C8orf34: variants seen among roughly 807,000 people sequenced by gnomAD.
C8orf34 encodes the protein chromosome 8 open reading frame 34, also known as uncharacterized protein C8orf34.
A neutral mutation model predicts 68.3 loss-of-function variants in C8orf34; 65 were observed. That is an observed-to-expected ratio of 0.95 (90% CI 0.78 to 1.17). C8orf34 has a LOEUF of 1.17. C8orf34 is among the 50% of genes most tolerant of loss of function. The pLI, the probability that C8orf34 is intolerant of heterozygous loss-of-function variation, is 0.00. For missense variants in C8orf34, 664 were observed against 655.4 expected (o/e 1.01, Z -0.14); for synonymous variants, 244 against 241.2 (o/e 1.01, Z -0.11).
intron 10 of C8orf34, among the ~76,000 whole-genome samples, chr8:68,727,216 C>A (rs1821856966): frequency 6.6e-6 from 1 of 152,164 alleles, no homozygotes; most frequent in Non-Finnish European, 1.5e-5. Flanking sequence ...TTACAGGGCC[C>A]ATGCAAGTCC....
intron 1 of C8orf34, among the ~76,000 whole-genome samples, chr8:68,423,962 GA>G (rs1810096652): frequency 6.6e-6 from 1 of 152,130 alleles, no homozygotes; most frequent in Non-Finnish European, 1.5e-5. Context: ...CTGCCCCCAT[GA>G]TCTGATTACC....
chr8:68,562,404 T>C (rs1306368596), intron 7 of C8orf34, among the ~76,000 whole-genome samples: 1 of 152,212 alleles, frequency 6.6e-6, no homozygotes, highest in East Asian at 1.9e-4. Context: ...AGAAGGGATT[T>C]ATTTTCATTC....
At chr8:68,775,122 C>T (rs1398266240) in intron 10 of C8orf34, among the ~76,000 whole-genome samples, 1 of 150,670 alleles carries the variant, frequency 6.6e-6, no homozygotes, top group Non-Finnish European at 1.5e-5. Flanking sequence ...CCAAGCGATG[C>T]TTCTCCTTGC....
chr8:68,587,969 T>C (rs908634376), intron 7 of C8orf34, among the ~76,000 whole-genome samples: 13 of 152,182 alleles, frequency 8.5e-5, no homozygotes, highest in African/African-American at 3.1e-4. Flanking sequence ...GTTCATATTT[T>C]AGGTATTTCT....
intron 7 of C8orf34, among the ~76,000 whole-genome samples, chr8:68,553,252 G>A (rs181085946): frequency 1.5e-3 from 229 of 151,958 alleles, no homozygotes; most frequent in African/African-American, 5.4e-3. Flanking sequence ...GGGCATGGTG[G>A]CATGTGCCTG....
intron 8 of C8orf34, among the ~76,000 whole-genome samples, chr8:68,692,499 G>A (rs1820713039): frequency 6.6e-6 from 1 of 151,912 alleles, no homozygotes; most frequent in Admixed American, 6.6e-5. Context: ...AAGTGGCTTT[G>A]AATTCCAGCT....
chr8:68,474,155 C>A (rs1005217747), intron 4 of C8orf34, among the ~76,000 whole-genome samples: 1 of 152,168 alleles, frequency 6.6e-6, no homozygotes, highest in Non-Finnish European at 1.5e-5. Flanking sequence ...TCCATCCACA[C>A]CTTTTATGTG....
intron 1 of C8orf34, among the ~76,000 whole-genome samples, chr8:68,344,962 C>A (rs1397411555): frequency 4.0e-5 from 6 of 151,486 alleles, no homozygotes; most frequent in Non-Finnish European, 8.8e-5. Flanking sequence ...AAACATAATA[C>A]CAAAAGTAAG....
chr8:68,622,881 A>G (rs1275056164), intron 7 of C8orf34, among the ~76,000 whole-genome samples: 1 of 152,240 alleles, frequency 6.6e-6, no homozygotes, highest in African/African-American at 2.4e-5. Context: ...TGTCTCTTTC[A>G]TAGTGTCATG....
rs2129526958 is a variant in C8orf34 at position 68,733,887 on chromosome 8, A to T, written c.1404+12450A>T. ...GAAGCTGAGTAATTTGTAAGTAAGT[A>T]AGTAAATATCTCTCCACGATGTCAC... On this transcript the variant is annotated intron_variant, in intron 10 of 13. Coordinates refer to ENST00000518698, the MANE Select transcript of C8orf34 (RefSeq NM_052958.4). Among the ~76,000 whole-genome samples the T allele has an allele frequency of 1.3e-5, 2 of 152,322 alleles. 1 individual carries two copies. The highest frequency in any genetic ancestry group is 4.1e-4 in the South Asian group (2 of 4,826).
At chr8:68,663,664 A>C (rs1441473830) in intron 8 of C8orf34, among the ~76,000 whole-genome samples, 1 of 152,208 alleles carries the variant, frequency 6.6e-6, no homozygotes, top group African/African-American at 2.4e-5. Context: ...CTTAGGTGTC[A>C]GGAGCCTCAC....
intron 7 of C8orf34, among the ~76,000 whole-genome samples, chr8:68,550,885 G>GT (rs759645061): frequency 3.2e-3 from 467 of 144,190 alleles, no homozygotes; most frequent in African/African-American, 7.4e-3. Context: ...TAATGGTAAA[G>GT]TTTTTTTTTT....
intron 7 of C8orf34, among the ~76,000 whole-genome samples, chr8:68,540,703 G>A (rs1815668103): frequency 6.6e-6 from 1 of 151,976 alleles, no homozygotes; most frequent in Admixed American, 6.6e-5. Flanking sequence ...TTAGCCAGGC[G>A]TGGTGGTGCA....
chr8:68,602,486 C>T (rs189199441), intron 7 of C8orf34, among the ~76,000 whole-genome samples: 162 of 152,136 alleles, frequency 1.1e-3, no homozygotes, highest in Non-Finnish European at 1.9e-3. Context: ...CCTTATAAAA[C>T]CATCAGATCT....
intron 8 of C8orf34, among the ~76,000 whole-genome samples, chr8:68,685,756 C>T (rs1458046698): frequency 6.6e-6 from 1 of 151,814 alleles, no homozygotes; most frequent in African/African-American, 2.4e-5. Flanking sequence ...TGTGCCTGTA[C>T]TTCCAGCTAC....
At chr8:68,488,168 T>A (rs972685564) in intron 5 of C8orf34, 117 bp downstream of exon 5, 1 of 713,640 alleles carries the variant, frequency 1.4e-6, no homozygotes, top group Non-Finnish European at 2.2e-6. Flanking sequence ...TTATTTGGGC[T>A]AACATTTTAA....
intron 4 of C8orf34, among the ~76,000 whole-genome samples, chr8:68,479,996 T>C (rs1387134374): frequency 8.5e-5 from 13 of 152,218 alleles, no homozygotes; most frequent in Admixed American, 8.5e-4. Context: ...GTGAGTATGA[T>C]ATGATCTATA....
At chr8:68,477,125 A>C (rs1812652735) in intron 4 of C8orf34, among the ~76,000 whole-genome samples, 1 of 152,152 alleles carries the variant, frequency 6.6e-6, no homozygotes, top group Non-Finnish European at 1.5e-5. Flanking sequence ...CTAGTTGATA[A>C]AGGGGTGTCT....
chr8:68,601,333 C>T (rs1349282377), intron 7 of C8orf34, among the ~76,000 whole-genome samples: 1 of 152,002 alleles, frequency 6.6e-6, no homozygotes, highest in Non-Finnish European at 1.5e-5. Context: ...GTCCCATTCT[C>T]TTTTTTTCTG....
Sources: allele counts gnomAD v4.1 joint callset (sites outside exome capture counted in the v4.1 genomes callset), GRCh38; gene constraint gnomAD v4.1.1; transcripts MANE v1.5; gene names NCBI Gene and HGNC (gene_info 2026-07-23, HGNC 2026-07-21).